The following SSH2 variants were observed in gnomAD, a reference collection of about 807,000 sequenced individuals.
The protein encoded by SSH2 is protein phosphatase Slingshot homolog 2.
SSH2 carries 37 observed loss-of-function variants against 135.2 expected under a neutral mutation model. The ratio of observed to expected loss-of-function variants is 0.27; its 90% CI spans 0.21 to 0.36. SSH2 has a LOEUF of 0.36. Among genes scored for constraint, SSH2 ranks in the 10% least tolerant of loss-of-function variants. SSH2 has a pLI of 1.00. For missense variants in SSH2, 1,408 were observed against 1,765.3 expected (o/e 0.80, Z 3.63); for synonymous variants, 628 against 646.2 (o/e 0.97, Z 0.43).
At chr17:29,865,197 A>G (rs1176229189) in intron 1 of SSH2, among the ~76,000 whole-genome samples, 1 of 152,242 alleles carries the variant, frequency 6.6e-6, no homozygotes, top group Non-Finnish European at 1.5e-5. Flanking sequence ...TTAATATTCT[A>G]AAATGGTAAG....
At chr17:29,878,342 G>A (rs1337624794) in intron 1 of SSH2, among the ~76,000 whole-genome samples, 2 of 152,068 alleles carry the variant, frequency 1.3e-5, no homozygotes, top group Non-Finnish European at 2.9e-5. Flanking sequence ...CAGGAGAATC[G>A]CTTGAACCTG....
At chr17:29,883,399 C>T (rs960425704) in intron 1 of SSH2, among the ~76,000 whole-genome samples, 15 of 152,124 alleles carry the variant, frequency 9.9e-5, no homozygotes, top group African/African-American at 3.6e-4. Context: ...TCAGAAGACA[C>T]ATTATCCTAT....
chr17:29,637,983 G>A (rs529057651), intron 14 of SSH2, among the ~76,000 whole-genome samples: 2 of 151,634 alleles, frequency 1.3e-5, no homozygotes, highest in South Asian at 2.1e-4. Context: ...GAGTGGTAGC[G>A]GGCACCTGTA....
intron 13 of SSH2, 27 bp from the exon 14 acceptor site, chr17:29,648,371 T>A: frequency 3.8e-6 from 6 of 1,559,978 alleles, no homozygotes; most frequent in Non-Finnish European, 5.2e-6. Context: ...AGGTAAAGAA[T>A]AGAGGAAAAT....
intron 3 of SSH2, among the ~76,000 whole-genome samples, chr17:29,707,354 C>T (rs960756795): frequency 7.9e-5 from 12 of 152,124 alleles, no homozygotes; most frequent in African/African-American, 2.9e-4. Context: ...AGTTCAAAGC[C>T]ACCTGGACTC....
At chr17:29,758,793 G>A (rs1171869330) in intron 3 of SSH2, among the ~76,000 whole-genome samples, 1 of 152,156 alleles carries the variant, frequency 6.6e-6, no homozygotes, top group East Asian at 1.9e-4. Context: ...CTGCCACCCA[G>A]GCTGGCATGC....
At chr17:29,898,364 A>G (rs2151455049) in intron 1 of SSH2, among the ~76,000 whole-genome samples, 1 of 152,278 alleles carries the variant, frequency 6.6e-6, no homozygotes, top group African/African-American at 2.4e-5. Context: ...AAAGATCAAC[A>G]AAATTGATAG....
intron 1 of SSH2, among the ~76,000 whole-genome samples, chr17:29,861,529 C>G (rs1406067688): frequency 2.0e-5 from 3 of 151,564 alleles, no homozygotes; most frequent in Non-Finnish European, 4.4e-5. Context: ...AATGAGGACT[C>G]TACTGGAGGC....
chr17:29,697,966 A>G (rs1396496653), intron 4 of SSH2, among the ~76,000 whole-genome samples: 1 of 152,250 alleles, frequency 6.6e-6, no homozygotes, highest in African/African-American at 2.4e-5. Context: ...ATGAATGGAT[A>G]AATAAAATGT....
chr17:29,794,499 A>G (rs1053012228), intron 2 of SSH2, among the ~76,000 whole-genome samples: 1 of 152,204 alleles, frequency 6.6e-6, no homozygotes, highest in Non-Finnish European at 1.5e-5. Context: ...GGTTGATGGT[A>G]CCAATTATTT....
chr17:29,869,683 C>T (rs1464080479), intron 1 of SSH2, among the ~76,000 whole-genome samples: 1 of 152,068 alleles, frequency 6.6e-6, no homozygotes, highest in Non-Finnish European at 1.5e-5. Context: ...TGAATAAGAC[C>T]CCCTGATTAT....
chr17:29,726,362 G>A (rs1449709570), intron 3 of SSH2, among the ~76,000 whole-genome samples: 1 of 152,160 alleles, frequency 6.6e-6, no homozygotes, highest in Non-Finnish European at 1.5e-5. Context: ...ATGGGGAGAG[G>A]TACAGATTTG....
chr17:29,886,969 A>T (rs2066251002), intron 1 of SSH2, among the ~76,000 whole-genome samples: 1 of 152,092 alleles, frequency 6.6e-6, no homozygotes, highest in Non-Finnish European at 1.5e-5. Context: ...GCTGGACAGG[A>T]CCTTAGAGAT....
In SSH2 at chr17:29,797,167, C is replaced by G. The variant is rs1284498874; in HGVS notation, c.145-3230G>C. On this transcript the variant is annotated intron_variant, in intron 2 of 15. Transcript: ENST00000540801. Reference sequence around the variant, plus strand: ...TAAAATTTATATACAATGAAATATACAAATCTTAAGTGCGCCATTTAATGA... The same window carrying G: ...TAAAATTTATATACAATGAAATATAGAAATCTTAAGTGCGCCATTTAATGA... 2.1e-4 allele frequency among the ~76,000 whole-genome samples: 32 copies of G among 151,420 alleles called. 1 individual carries two copies. The South Asian group carries it at 6.7e-3, about 32-fold the overall frequency.
intron 3 of SSH2, among the ~76,000 whole-genome samples, chr17:29,789,210 T>C (rs1751485987): frequency 6.6e-6 from 1 of 151,832 alleles, no homozygotes; most frequent in African/African-American, 2.4e-5. Context: ...GAGAAATGAA[T>C]TGCAGAAGGA....
intron 3 of SSH2, among the ~76,000 whole-genome samples, chr17:29,767,331 T>TA (rs1453292134): frequency 6.6e-6 from 1 of 152,060 alleles, no homozygotes; most frequent in African/African-American, 2.4e-5. Flanking sequence ...ACAAAACATT[T>TA]AACCATTTAG....
At chr17:29,704,089 A>G (rs893348499) in intron 3 of SSH2, among the ~76,000 whole-genome samples, 2 of 152,202 alleles carry the variant, frequency 1.3e-5, no homozygotes, top group Non-Finnish European at 2.9e-5. Context: ...CATACAGTAA[A>G]AAGCCCTTAA....
At chr17:29,749,343 G>A (rs1163716255) in intron 3 of SSH2, among the ~76,000 whole-genome samples, 1 of 152,140 alleles carries the variant, frequency 6.6e-6, no homozygotes, top group Non-Finnish European at 1.5e-5. Flanking sequence ...GAACATCATA[G>A]AGTATACTTA....
chr17:29,912,539 C>A (rs1567649177), intron 1 of SSH2, among the ~76,000 whole-genome samples: 1 of 152,076 alleles, frequency 6.6e-6, no homozygotes, highest in Non-Finnish European at 1.5e-5. Flanking sequence ...CCACCCTGGA[C>A]AATATAGTGA....
Sources: gnomAD v4.1 joint callset for allele counts (sites outside exome capture counted in the v4.1 genomes callset) on GRCh38, gnomAD v4.1.1 for gene constraint, MANE v1.5 for transcripts, NCBI Gene and HGNC (gene_info 2026-07-23, HGNC 2026-07-21) for gene names.